The following VAV2 variants were observed in gnomAD, a reference collection of about 807,000 sequenced individuals.
VAV2 encodes the protein vav guanine nucleotide exchange factor 2.
A neutral mutation model predicts 132.5 loss-of-function variants in VAV2; 67 were observed. That is an observed-to-expected ratio of 0.51 (90% CI 0.42 to 0.62). VAV2 has a LOEUF of 0.62. Ranked by LOEUF, VAV2 falls within the 20% of genes least tolerant of loss-of-function variation. The pLI, the probability that VAV2 is intolerant of heterozygous loss-of-function variation, is 0.00. For missense variants in VAV2, 938 were observed against 1,153.6 expected, an observed-to-expected ratio of 0.81 and a Z score of 2.71; for synonymous variants, 492 against 443.5, an observed-to-expected ratio of 1.11 and a Z score of -1.37.
intron 1 of VAV2, among the ~76,000 whole-genome samples, chr9:133,958,765 G>A (rs1248498898): frequency 6.6e-6 from 1 of 152,240 alleles, no homozygotes; most frequent in African/African-American, 2.4e-5. Flanking sequence ...GGATGCTGCA[G>A]AGCACAGCTC....
At chr9:133,828,939 C>T (rs1366400290) in intron 4 of VAV2, among the ~76,000 whole-genome samples, 4 of 152,148 alleles carry the variant, frequency 2.6e-5, no homozygotes, top group African/African-American at 7.2e-5. Flanking sequence ...TGAGGAGGCC[C>T]GGCTGTCACC....
chr9:133,870,617 G>C (rs530332120), intron 2 of VAV2, among the ~76,000 whole-genome samples: 27 of 152,200 alleles, frequency 1.8e-4, no homozygotes, highest in Non-Finnish European at 3.8e-4. Context: ...GGGACCAGCA[G>C]CCCGAATCTT....
chr9:133,783,488 G>GA lies in VAV2; in HGVS notation c.1723+14dup. The GA allele has an allele frequency of 2.6e-6, 4 of 1,509,924 alleles. No homozygotes were observed. The highest frequency in any genetic ancestry group is 3.6e-6 in the Non-Finnish European group (4 of 1,123,462). 93.5% of individuals were successfully genotyped at this position (1,509,924 alleles called of 1,614,324 possible). A position where few individuals can be genotyped will look rare whatever the true frequency, so the allele number is the denominator to read the frequency against. The stretch of plus-strand genomic sequence containing the variant: ...TGGCCAGGGACTGGGGTGGGGGGGT[G>GA]AGGGGGGTACTCACTGAACTTGCAG... On this transcript the variant is annotated intron_variant, in intron 19 of 29. Coordinates refer to ENST00000371850, the MANE Select transcript of VAV2 (RefSeq NM_001134398.2).
rs370858704 is a variant in VAV2, at chr9:133,848,048, C to T, written c.380+13326G>A. ...ATCCCAGCACTTTGGGAGGCCGAGACGGGCGGATCACGAGGTCAGGAGATC... is the reference window on the plus strand; with the variant it reads ...ATCCCAGCACTTTGGGAGGCCGAGATGGGCGGATCACGAGGTCAGGAGATC... On this transcript the variant is annotated intron_variant, in intron 3 of 29. Coordinates refer to ENST00000371850, the MANE Select transcript of VAV2 (RefSeq NM_001134398.2). Among the ~76,000 whole-genome samples, 192 of 152,178 alleles carry T rather than the reference C, an allele frequency of 1.3e-3. 1 individual carries two copies. The highest frequency in any genetic ancestry group is 4.5e-3 in the African/African-American group (185 of 41,528).
chr9:133,801,643 A>G (rs1834933782), intron 9 of VAV2, among the ~76,000 whole-genome samples: 1 of 152,234 alleles, frequency 6.6e-6, no homozygotes. Context: ...CAGTGGGTCC[A>G]CTAGAGCCTC....
chr9:133,789,840 G>A (rs954442464), intron 13 of VAV2, among the ~76,000 whole-genome samples: 1 of 152,244 alleles, frequency 6.6e-6, no homozygotes, highest in Non-Finnish European at 1.5e-5. Flanking sequence ...TTTTGTCTCT[G>A]TGACTCTTCT....
chr9:133,807,150 G>T, intron 8 of VAV2, 108 bp downstream of exon 8: 1 of 1,297,882 alleles, frequency 7.7e-7, no homozygotes, highest in Non-Finnish European at 1.0e-6. Flanking sequence ...CCACCACGGA[G>T]CCACAGGGGT....
chr9:133,872,700 C>T (rs925016241), intron 2 of VAV2, among the ~76,000 whole-genome samples: 12 of 141,746 alleles, frequency 8.5e-5, no homozygotes, highest in Non-Finnish European at 1.2e-4. Flanking sequence ...CAGGAGGAGG[C>T]GTAAGCTGGT....
At chr9:133,831,392 C>T (rs561748499) in intron 4 of VAV2, among the ~76,000 whole-genome samples, 32 of 151,646 alleles carry the variant, frequency 2.1e-4, no homozygotes, top group African/African-American at 7.5e-4. Flanking sequence ...GCTGAGATCG[C>T]GCCACTGCAC....
chr9:133,867,069 G>C (rs1372913754), intron 2 of VAV2, among the ~76,000 whole-genome samples: 1 of 152,130 alleles, frequency 6.6e-6, no homozygotes, highest in East Asian at 1.9e-4. Context: ...GGGCCTGCAG[G>C]AGGACACGCC....
Position 133,788,137 on chromosome 9 carries a change from C to G in VAV2, c.1407+217G>C, listed in dbSNP as rs1205154664. Among the ~76,000 whole-genome samples, 1 of 152,206 alleles carries G rather than the reference C, an allele frequency of 6.6e-6. No homozygotes were observed. Among genetic ancestry groups the G allele is most frequent in the African/African-American group, 2.4e-5 (1 of 41,452 alleles). ...GCCCACCTTTCTGGGGGGCGCTGGG[C>G]CCGGCGAGGAGCAGGCCTGCTATGA... On this transcript the variant is annotated intron_variant, in intron 15 of 29. Coordinates refer to ENST00000371850, the MANE Select transcript of VAV2 (RefSeq NM_001134398.2). This position sits in a 1 kb window ranked among gnomAD's most constrained non-coding sequence, Gnocchi z 5.3.
At position 133,949,279 on chromosome 9, in the gene VAV2, G is replaced by C. The variant is rs534440155; in HGVS notation, c.205-10060C>G. Among the ~76,000 whole-genome samples the C allele has an allele frequency of 5.3e-5, 8 of 152,240 alleles. No homozygotes were observed. In the East Asian group the frequency reaches 1.5e-3, roughly 29 times the overall value. ...CTCTGCACACTTCCCCTCCTTCCCCGAGGACGCCCTGACCCAATTCCGGTG... is the reference window on the plus strand; with the variant it reads ...CTCTGCACACTTCCCCTCCTTCCCCCAGGACGCCCTGACCCAATTCCGGTG... On this transcript the variant is annotated intron_variant, in intron 1 of 29. Transcript: ENST00000371850.
chr9:133,812,888 TC>T (rs1835412799), intron 4 of VAV2, among the ~76,000 whole-genome samples: 1 of 152,188 alleles, frequency 6.6e-6, no homozygotes, highest in Non-Finnish European at 1.5e-5. Context: ...CCCACCAGGA[TC>T]CCCACTTGGT....
At position 133,935,211 on chromosome 9, in the gene VAV2, C is replaced by A. The variant is rs1307668621; in HGVS notation, c.321+3892G>T. On this transcript the variant is annotated intron_variant, in intron 2 of 29. Coordinates refer to ENST00000371850, the MANE Select transcript of VAV2 (RefSeq NM_001134398.2). The surrounding 1 kb of genome is among the most constrained non-coding windows in gnomAD (Gnocchi z 5.2). Reference sequence around the variant, plus strand: ...CCGAGCTCATTTGGAATGGCCAGGGCGTCCCAACTGGGCTGAGCTCATGAA... The same window carrying A: ...CCGAGCTCATTTGGAATGGCCAGGGAGTCCCAACTGGGCTGAGCTCATGAA... Among the ~76,000 whole-genome samples the A allele has an allele frequency of 6.6e-6, 1 of 152,172 alleles. No individual in the cohort carries two copies. The highest frequency in any genetic ancestry group is 6.5e-5 in the Admixed American group (1 of 15,284).
Position 133,807,192 on chromosome 9 carries a change from C to T in VAV2, c.735+66G>A, listed in dbSNP as rs1375802550. 29 of 1,544,996 alleles carry T rather than the reference C, an allele frequency of 1.9e-5. No individual in the cohort carries two copies. The Admixed American group carries it at 3.5e-4, about 19-fold the overall frequency. On this transcript the variant is annotated intron_variant, in intron 8 of 29. Transcript: ENST00000371850. ...CTCCAAGGCCCTGAGGACAGCAGGA[C>T]ATGTGTGGCCAGTGCCGAGTTAGGG...
intron 1 of VAV2, among the ~76,000 whole-genome samples, chr9:133,956,276 C>T (rs777868119): frequency 2.6e-5 from 4 of 152,132 alleles, no homozygotes; most frequent in Non-Finnish European, 4.4e-5. Context: ...ATGATCCCCT[C>T]GTCTACCCAG....
In VAV2 at chr9:133,788,404, G is replaced by C. The variant is rs753417740; in HGVS notation, c.1357C>G (p.Leu453Val). ...SYELKEIIEL[L>V]FHKMTDDPMN... Reference sequence around the variant, plus strand: ...GGGTCGTCGGTCATCTTGTGGAACAGCAGCTCGATGATCTCCTTGAGCTCG... The same window carrying C: ...GGGTCGTCGGTCATCTTGTGGAACACCAGCTCGATGATCTCCTTGAGCTCG... Residue 453 changes from leucine (L) to valine (V), a missense_variant, in exon 15 of 30, where the codon CTG (leucine) becomes GTG (valine). By Grantham distance (32) the Leu-to-Val change is conservative. Transcript: ENST00000371850. This position sits in a 1 kb window ranked among gnomAD's most constrained non-coding sequence, Gnocchi z 5.3. The C allele has an allele frequency of 6.2e-7, 1 of 1,612,096 alleles. No homozygotes were observed. The highest frequency in any genetic ancestry group is 1.3e-5 in the African/African-American group (1 of 75,022).
At chr9:133,866,532 G>C (rs921516181) in intron 2 of VAV2, among the ~76,000 whole-genome samples, 2 of 152,050 alleles carry the variant, frequency 1.3e-5, no homozygotes, top group Non-Finnish European at 2.9e-5. Flanking sequence ...GGCCAGGCGC[G>C]GTGGCTCACG....
intron 2 of VAV2, among the ~76,000 whole-genome samples, chr9:133,914,747 G>GA (rs1840004576): frequency 3.3e-5 from 3 of 91,730 alleles, no homozygotes; most frequent in South Asian, 6.0e-4. Context: ...GAGGGAAGGG[G>GA]AGGGGAGAGG....
Sources: gnomAD v4.1 joint callset for allele counts (sites outside exome capture counted in the v4.1 genomes callset) on GRCh38, gnomAD v4.1.1 for gene constraint, Gnocchi (gnomAD v3.1) non-coding constraint, MANE v1.5 for transcripts, NCBI Gene and HGNC (gene_info 2026-07-23, HGNC 2026-07-21) for gene names.